Variants in COQ10A observed in about 807,000 individuals in gnomAD.
The protein encoded by COQ10A is coenzyme Q-binding protein COQ10 homolog A, mitochondrial.
A neutral mutation model predicts 26.1 loss-of-function variants in COQ10A; 25 were observed. The observed-to-expected ratio is 0.96, with a 90% CI of 0.70 to 1.34. COQ10A has a LOEUF of 1.34. COQ10A is among the 40% of genes most tolerant of loss of function. The probability of loss-of-function intolerance (pLI) is 0.00; values close to 1 mark genes in which losing one functional copy is unlikely to be tolerated. For synonymous variants in COQ10A, 132 were observed against 124.0 expected (o/e 1.06, Z -0.43); for missense variants, 312 against 335.4 (o/e 0.93, Z 0.54).
At position 56,270,509 on chromosome 12, in the gene COQ10A, A is replaced by G; in HGVS notation, c.*192A>G. The G allele has an allele frequency of 1.6e-6, 1 of 617,628 alleles. No individual in the cohort carries two copies. The highest frequency in any genetic ancestry group is 2.1e-5 in the South Asian group (1 of 48,078). The allele number at this position is 617,628 out of a possible 1,614,324, so 38.3% of individuals were successfully genotyped here. On this transcript the variant is annotated 3_prime_UTR_variant, in exon 5 of 5. Coordinates refer to ENST00000308197, the MANE Select transcript of COQ10A (RefSeq NM_144576.4). ...GGAAAGAGAAGGCAAAGGATGTGGAAATGAGATGTGCTTAGGAAAGGGTCA... is the reference window on the plus strand; with the variant it reads ...GGAAAGAGAAGGCAAAGGATGTGGAGATGAGATGTGCTTAGGAAAGGGTCA...
Position 56,267,447 on chromosome 12 carries a change from C to T in COQ10A, c.134+195C>T, listed in dbSNP as rs368636375. Reference sequence around the variant, plus strand: ...GAAGTTCTCGGGGTGAGTGTCCAACCTCTTCTTGGCCCTCGCGGGCGCCCT... The same window carrying T: ...GAAGTTCTCGGGGTGAGTGTCCAACTTCTTCTTGGCCCTCGCGGGCGCCCT... On this transcript the variant is annotated intron_variant, in intron 1 of 4. Coordinates refer to ENST00000308197, the MANE Select transcript of COQ10A (RefSeq NM_144576.4). 7 of 1,613,784 alleles carry T rather than the reference C, an allele frequency of 4.3e-6. No homozygotes were observed. In the African/African-American group the frequency reaches 6.7e-5, roughly 15 times the overall value.
chr12:56,270,130 T>G lies in COQ10A; in HGVS notation c.577-20T>G, dbSNP rs1348959280. 6.2e-7 allele frequency: 1 copy of G among 1,608,024 alleles called. No homozygotes were observed. Among genetic ancestry groups the G allele is most frequent in the East Asian group, 2.2e-5 (1 of 44,758 alleles). On this transcript the variant is annotated intron_variant, in intron 4 of 4. Transcript: ENST00000308197. ...CCAACATGGTCTGGAAGTTTCTGAC[T>G]GTCTCTTACCCATTCCCAGATTTCC...
In COQ10A at chr12:56,270,864, G is replaced by C. The variant is rs1489261048; in HGVS notation, c.*547G>C. The C allele has an allele frequency of 1.3e-5, 2 of 152,246 alleles. No homozygotes were observed. Among genetic ancestry groups the C allele is most frequent in the Non-Finnish European group, 2.9e-5 (2 of 68,072 alleles). 9.4% of individuals were successfully genotyped at this position (152,246 alleles called of 1,614,324 possible). Reference sequence around the variant, plus strand: ...CTTACCACCAGTGCTGAGGAGAAAAGTACTGAACGGAAACGGAGTTGTCTT... The same window carrying C: ...CTTACCACCAGTGCTGAGGAGAAAACTACTGAACGGAAACGGAGTTGTCTT... On this transcript the variant is annotated 3_prime_UTR_variant, in exon 5 of 5. Coordinates refer to ENST00000308197, the MANE Select transcript of COQ10A (RefSeq NM_144576.4).
At chr12:56,267,303 G>A (rs1872377932) in intron 1 of COQ10A, 51 bp downstream of exon 1, 1 of 1,598,414 alleles carries the variant, frequency 6.3e-7, no homozygotes, top group Non-Finnish European at 8.6e-7. Flanking sequence ...GCGAACCCCG[G>A]GGTTCCGCGG....
At chr12:56,267,711 A>T (rs1872392092) in intron 1 of COQ10A, 83 bp from the exon 2 acceptor site, 1 of 1,574,048 alleles carries the variant, frequency 6.4e-7, no homozygotes, top group African/African-American at 1.3e-5. Context: ...TTCGTCTGGG[A>T]TGCACTCTTC....
chr12:56,269,966 T>C, intron 4 of COQ10A, 184 bp from the exon 5 acceptor site: 1 of 636,112 alleles, frequency 1.6e-6, no homozygotes, highest in Non-Finnish European at 2.8e-6. Flanking sequence ...ATTTCCCAAG[T>C]CAGTTAGTCT....
chr12:56,269,560 C>T lies in COQ10A; in HGVS notation c.575C>T (p.Ser192Leu), dbSNP rs371582916. The T allele has an allele frequency of 1.3e-4, 205 of 1,608,990 alleles. 1 individual carries two copies. The East Asian group carries it at 3.5e-3, about 27-fold the overall frequency. Reference sequence around the variant, plus strand: ...CCTCGAACCTGCACTGTGGACTTTTCGGTGAGTCAGGAGGTTGTGTAGCAG... The same window carrying T: ...CCTCGAACCTGCACTGTGGACTTTTTGGTGAGTCAGGAGGTTGTGTAGCAG... ...AYPRTCTVDF[S>L]ISFEFRSLLH... Residue 192 changes from serine to leucine, a missense_variant and splice_region_variant, in exon 4 of 5, where the codon TCG (serine) becomes TTG (leucine). Transcript: ENST00000308197.
In COQ10A at chr12:56,266,969, G is replaced by T; in HGVS notation, c.-150G>T. On this transcript the variant is annotated 5_prime_UTR_variant, in exon 1 of 5. Coordinates refer to ENST00000308197, the MANE Select transcript of COQ10A (RefSeq NM_144576.4). ...TTCTAGCCTACCCGGCAGCCTGGAC[G>T]GGAGCAAGGCGAGAGGTGCTGCCGC... 1.3e-6 allele frequency: 1 copy of T among 778,454 alleles called. No homozygotes were observed. Among genetic ancestry groups the T allele is most frequent in the Non-Finnish European group, 1.7e-6 (1 of 587,366 alleles). The allele number at this position is 778,454 out of a possible 1,614,324, so 48.2% of individuals were successfully genotyped here.
Position 56,269,161 on chromosome 12 carries a change from T to G in COQ10A, c.384T>G (p.Gly128=), listed in dbSNP as rs769457331. 2 of 1,614,058 alleles carry G rather than the reference T, an allele frequency of 1.2e-6. No individual in the cohort carries two copies. The highest frequency in any genetic ancestry group is 1.1e-5 in the South Asian group (1 of 91,068). Residue 128 remains glycine (G), a synonymous_variant, in exon 3 of 5, where the codon GGT becomes GGG. Coordinates refer to ENST00000308197, the MANE Select transcript of COQ10A (RefSeq NM_144576.4). The part of the protein sequence containing the change: ...KKSLVVSSRK[G]HLKAQLEVGF... ...CTCTGGTGGTATCCAGCCGTAAGGG[T>G]CATTTGAAAGCCCAGCTGGAGGTTG... is the stretch of plus-strand genomic sequence containing the variant.
chr12:56,270,478 G>A lies in COQ10A; in HGVS notation c.*161G>A. 1.3e-6 allele frequency: 1 copy of A among 755,998 alleles called. No individual in the cohort carries two copies. The highest frequency in any genetic ancestry group is 2.1e-6 in the Non-Finnish European group (1 of 480,714). The allele number at this position is 755,998 out of a possible 1,614,324, so 46.8% of individuals were successfully genotyped here. A position where few individuals can be genotyped will look rare whatever the true frequency, so the allele number is the denominator to read the frequency against. ...ATTGGGTTCTATGCTGGCTGGAAATGTTGGGGGAAAGAGAAGGCAAAGGAT... is the reference window on the plus strand; with the variant it reads ...ATTGGGTTCTATGCTGGCTGGAAATATTGGGGGAAAGAGAAGGCAAAGGAT... On this transcript the variant is annotated 3_prime_UTR_variant, in exon 5 of 5. Transcript: ENST00000308197.
chr12:56,269,311 GT>G, intron 3 of COQ10A, 60 bp downstream of exon 3: 1 of 1,556,010 alleles, frequency 6.4e-7, no homozygotes, highest in Non-Finnish European at 8.8e-7. Flanking sequence ...TCATATGAAA[GT>G]GCTATTTTGG....
In COQ10A at chr12:56,270,237, G is replaced by C. The variant is rs569154428; in HGVS notation, c.664G>C (p.Glu222Gln). 255 of 1,614,020 alleles carry C rather than the reference G, an allele frequency of 1.6e-4. No homozygotes were observed. The highest frequency in any genetic ancestry group is 2.1e-4 in the Non-Finnish European group (247 of 1,180,016). Residue 222 changes from glutamate (E) to glutamine (Q), a missense_variant, in exon 5 of 5, where the codon GAG (glutamate) becomes CAG (glutamine). Physicochemically the swap from Glu to Gln is conservative, Grantham distance 29. Coordinates refer to ENST00000308197, the MANE Select transcript of COQ10A (RefSeq NM_144576.4). Reference protein sequence around the residue: ...EVVKQNVAAFERRAATKFGPE... With the variant: ...EVVKQNVAAFQRRAATKFGPE... ...TGTCAAACAGAATGTTGCTGCCTTT[G>C]AGCGTCGGGCAGCCACCAAGTTTGG...
At position 56,266,979 on chromosome 12, in the gene COQ10A, C is replaced by G; in HGVS notation, c.-140C>G. 4.6e-6 allele frequency: 4 copies of G among 875,474 alleles called. No individual in the cohort carries two copies. The highest frequency in any genetic ancestry group is 5.9e-6 in the Non-Finnish European group (4 of 675,456). The allele number at this position is 875,474 out of a possible 1,614,324, so 54.2% of individuals were successfully genotyped here. On this transcript the variant is annotated 5_prime_UTR_variant, in exon 1 of 5. Coordinates refer to ENST00000308197, the MANE Select transcript of COQ10A (RefSeq NM_144576.4). ...CCCGGCAGCCTGGACGGGAGCAAGG[C>G]GAGAGGTGCTGCCGCCTCCCGTCGC...
intron 3 of COQ10A, 29 bp downstream of exon 3, chr12:56,269,280 G>T (rs1459130631): frequency 6.2e-7 from 1 of 1,602,754 alleles, no homozygotes. Flanking sequence ...GGATTGACAA[G>T]ATTTTTTGTT....
intron 2 of COQ10A, chr12:56,268,551 T>C (rs1236546367): frequency 6.2e-6 from 1 of 160,030 alleles, no homozygotes; most frequent in African/African-American, 2.4e-5. Context: ...GTACCTAGTA[T>C]GTGTAAATTA....
At chr12:56,268,189 A>G in intron 2 of COQ10A, 1 of 519,692 alleles carries the variant, frequency 1.9e-6, no homozygotes, top group South Asian at 2.1e-5. Context: ...AACAGGGCGT[A>G]GCTGGGTGCG....
Position 56,270,243 on chromosome 12 carries a change from C to A in COQ10A, c.670C>A (p.Arg224=). The part of the protein sequence containing the change: ...VKQNVAAFER[R]AATKFGPETA... ...ACAGAATGTTGCTGCCTTTGAGCGT[C>A]GGGCAGCCACCAAGTTTGGTCCAGA... The change falls in exon 5 of 5, where the codon CGG becomes AGG. Residue 224 remains arginine, a synonymous_variant. Coordinates refer to ENST00000308197, the MANE Select transcript of COQ10A (RefSeq NM_144576.4). The A allele has an allele frequency of 1.2e-6, 2 of 1,614,112 alleles. 1 individual carries two copies. The highest frequency in any genetic ancestry group is 2.2e-5 in the South Asian group (2 of 91,070).
chr12:56,269,478 A>T lies in COQ10A; in HGVS notation c.493A>T (p.Lys165Ter). 6.2e-7 allele frequency: 1 copy of T among 1,614,068 alleles called. No individual in the cohort carries two copies. The highest frequency in any genetic ancestry group is 1.3e-5 in the African/African-American group (1 of 75,036). Reference protein sequence around the residue: ...HMVKAVCTDGKLFNHLETIWR... With the variant: ...HMVKAVCTDG Reference sequence around the variant, plus strand: ...ATTCTAGGCTGTTTGTACTGATGGCAAGCTCTTCAACCACTTAGAGACTAT... The same window carrying T: ...ATTCTAGGCTGTTTGTACTGATGGCTAGCTCTTCAACCACTTAGAGACTAT... Residue 165 changes from lysine (K) to a stop codon, truncating the protein, a stop_gained, in exon 4 of 5, where the codon AAG becomes TAG. Coordinates refer to ENST00000308197, the MANE Select transcript of COQ10A (RefSeq NM_144576.4). LOFTEE classifies it high-confidence loss of function.
chr12:56,268,041 C>T (rs1726298180), intron 2 of COQ10A, 101 bp downstream of exon 2: 5 of 1,407,040 alleles, frequency 3.6e-6, no homozygotes. Context: ...AAGATTCATC[C>T]CTAGCCATCC....
Sources: gnomAD v4.1 joint callset for allele counts on GRCh38, gnomAD v4.1.1 for gene constraint, MANE v1.5 for transcripts, NCBI Gene and HGNC (gene_info 2026-07-23, HGNC 2026-07-21) for gene names.